The following SRRM4 variants were observed in gnomAD, a reference collection of about 807,000 sequenced individuals.
SRRM4 encodes serine/arginine repetitive matrix protein 4.
A neutral mutation model predicts 68.9 loss-of-function variants in SRRM4; 33 were observed. The observed-to-expected ratio is 0.48, with a 90% CI of 0.36 to 0.64. SRRM4 has a LOEUF of 0.64. Ranked by LOEUF, SRRM4 falls within the 30% of genes least tolerant of loss-of-function variation. The pLI is 0.00. For synonymous variants in SRRM4, 318 were observed against 318.8 expected (o/e 1.00, Z 0.03); for missense variants, 817 against 827.1 (o/e 0.99, Z 0.15).
chr12:119,068,292 C>T (rs1324223125), intron 1 of SRRM4, among the ~76,000 whole-genome samples: 1 of 152,182 alleles, frequency 6.6e-6, no homozygotes, highest in African/African-American at 2.4e-5. Context: ...TCAGCTGGAG[C>T]CAGCATGTGG....
chr12:119,130,455 A>T (rs1565915592), intron 7 of SRRM4, among the ~76,000 whole-genome samples: 3 of 143,134 alleles, frequency 2.1e-5, no homozygotes, highest in Non-Finnish European at 4.7e-5. Flanking sequence ...GGTTAAATGG[A>T]TGAATGGATG....
rs955975273 is a variant in SRRM4 at position 119,050,305 on chromosome 12, T to A, written c.132-51931T>A. Among the ~76,000 whole-genome samples the A allele has an allele frequency of 1.6e-4, 24 of 152,236 alleles. 1 individual carries two copies. Among genetic ancestry groups the A allele is most frequent in the African/African-American group, 5.3e-4 (22 of 41,468 alleles). On this transcript the variant is annotated intron_variant, in intron 1 of 12. Transcript: ENST00000267260. ...CAGAGTTCTGGATCTGTTCTGGATTTGTTTGATCTCCTTTCAAGAAGTAGT... is the reference window on the plus strand; with the variant it reads ...CAGAGTTCTGGATCTGTTCTGGATTAGTTTGATCTCCTTTCAAGAAGTAGT...
chr12:119,057,301 C>G (rs1953782766), intron 1 of SRRM4, among the ~76,000 whole-genome samples: 1 of 152,098 alleles, frequency 6.6e-6, no homozygotes, highest in Non-Finnish European at 1.5e-5. Context: ...TAGGTATTAA[C>G]CCCAGTGCCC....
chr12:119,067,765 T>C (rs1412097413), intron 1 of SRRM4, among the ~76,000 whole-genome samples: 1 of 151,980 alleles, frequency 6.6e-6, no homozygotes, highest in Non-Finnish European at 1.5e-5. Context: ...AAGCCTGGAA[T>C]GGAATCCCAG....
At chr12:119,123,896 A>T (rs1207213539) in intron 6 of SRRM4, among the ~76,000 whole-genome samples, 1 of 152,184 alleles carries the variant, frequency 6.6e-6, no homozygotes, top group African/African-American at 2.4e-5. Context: ...GGCTGGTCAC[A>T]GAACAGCAGA....
intron 1 of SRRM4, among the ~76,000 whole-genome samples, chr12:119,036,119 A>T (rs1385909174): frequency 2.0e-5 from 3 of 152,096 alleles, no homozygotes; most frequent in African/African-American, 7.2e-5. Context: ...GCATGGAAAA[A>T]TTTCTTTTTC....
At chr12:119,093,925 G>A (rs1289025934) in intron 1 of SRRM4, among the ~76,000 whole-genome samples, 3 of 152,102 alleles carry the variant, frequency 2.0e-5, no homozygotes, top group South Asian at 2.1e-4. Flanking sequence ...GGGTGGATGT[G>A]GGGTTGATTG....
rs1954477300 is a variant in SRRM4, at chr12:119,156,860, G to T, written c.*62G>T. 1 of 1,458,624 alleles carries T rather than the reference G, an allele frequency of 6.9e-7. No homozygotes were observed. The highest frequency in any genetic ancestry group is 9.0e-7 in the Non-Finnish European group (1 of 1,110,150). The allele number at this position is 1,458,624 out of a possible 1,614,324, so 90.4% of individuals were successfully genotyped here. On this transcript the variant is annotated 3_prime_UTR_variant, in exon 13 of 13. Coordinates refer to ENST00000267260, the MANE Select transcript of SRRM4 (RefSeq NM_194286.4). ...CGCTGCCAGCCTCCCCCAACCACCTGCCCTCCCCGCCTTCTTGGTGACAAA... is the reference window on the plus strand; with the variant it reads ...CGCTGCCAGCCTCCCCCAACCACCTTCCCTCCCCGCCTTCTTGGTGACAAA...
At chr12:119,061,812 G>A (rs1953813928) in intron 1 of SRRM4, among the ~76,000 whole-genome samples, 1 of 151,956 alleles carries the variant, frequency 6.6e-6, no homozygotes, top group Non-Finnish European at 1.5e-5. Flanking sequence ...GAGACTTGCA[G>A]CTTCCCTGGC....
At chr12:118,984,018 C>T (rs945937123) in intron 1 of SRRM4, among the ~76,000 whole-genome samples, 5 of 152,180 alleles carry the variant, frequency 3.3e-5, no homozygotes, top group African/African-American at 7.2e-5. Flanking sequence ...ATTTATGTCA[C>T]GCTAGGAGAA....
intron 1 of SRRM4, chr12:119,001,886 G>A (rs928070979): frequency 5.9e-5 from 9 of 151,548 alleles, no homozygotes; most frequent in Non-Finnish European, 1.2e-4. Flanking sequence ...GGGAGGCTAA[G>A]ATAGGAGGAT....
At chr12:119,076,560 TTAAAA>T (rs1953917517) in intron 1 of SRRM4, among the ~76,000 whole-genome samples, 1 of 152,226 alleles carries the variant, frequency 6.6e-6, no homozygotes, top group African/African-American at 2.4e-5. Flanking sequence ...TTCTCATATA[TTAAAA>T]TGATATCAAA....
intron 1 of SRRM4, among the ~76,000 whole-genome samples, chr12:119,035,140 T>A (rs532911123): frequency 3.3e-5 from 5 of 152,150 alleles, no homozygotes; most frequent in South Asian, 2.1e-4. Context: ...CCCTTGCATT[T>A]AAAAAAAATT....
chr12:119,123,266 T>C (rs1410631587), intron 6 of SRRM4, among the ~76,000 whole-genome samples: 2 of 152,196 alleles, frequency 1.3e-5, no homozygotes, highest in African/African-American at 4.8e-5. Context: ...GCCTGGGGAA[T>C]GCTCCAGAAG....
chr12:119,055,862 T>C (rs1046886438), intron 1 of SRRM4, among the ~76,000 whole-genome samples: 4 of 152,234 alleles, frequency 2.6e-5, no homozygotes, highest in African/African-American at 9.6e-5. Context: ...AGCTAACACA[T>C]GTAGTGGGCA....
intron 1 of SRRM4, among the ~76,000 whole-genome samples, chr12:119,043,789 C>T (rs1284246749): frequency 6.6e-6 from 1 of 151,694 alleles, no homozygotes; most frequent in Non-Finnish European, 1.5e-5. Flanking sequence ...CACACACACA[C>T]ACACACACAC....
At chr12:119,109,571 T>A (rs1033930664) in intron 2 of SRRM4, among the ~76,000 whole-genome samples, 8 of 152,252 alleles carry the variant, frequency 5.3e-5, no homozygotes, top group African/African-American at 1.7e-4. Context: ...ATTCATTTGA[T>A]CTTCAATCAC....
At chr12:119,013,109 A>G (rs907082008) in intron 1 of SRRM4, among the ~76,000 whole-genome samples, 2 of 152,222 alleles carry the variant, frequency 1.3e-5, no homozygotes, top group African/African-American at 4.8e-5. Context: ...AAGTTAAGTG[A>G]CATGATCTTC....
At chr12:119,071,970 G>A (rs556926484) in intron 1 of SRRM4, among the ~76,000 whole-genome samples, 4 of 152,276 alleles carry the variant, frequency 2.6e-5, no homozygotes, top group Admixed American at 1.3e-4. Context: ...TGAGAAATAC[G>A]AGCTCATGTT....
Sources: allele counts gnomAD v4.1 joint callset (sites outside exome capture counted in the v4.1 genomes callset), GRCh38; gene constraint gnomAD v4.1.1; transcripts MANE v1.5; gene names NCBI Gene and HGNC (gene_info 2026-07-23, HGNC 2026-07-21).